Variants in ABI2 observed in about 807,000 individuals in gnomAD.
The protein encoded by ABI2 is abelson interactor 2.
In ABI2, 25 loss-of-function variants were observed where a neutral mutation model predicts 59.2. That is an observed-to-expected ratio of 0.42 (90% CI 0.31 to 0.59). ABI2 has a LOEUF of 0.59. Among genes scored for constraint, ABI2 ranks in the 20% least tolerant of loss-of-function variants. The probability of loss-of-function intolerance (pLI) is 0.14; values close to 1 mark genes in which losing one functional copy is unlikely to be tolerated. For missense variants in ABI2, 545 were observed against 681.8 expected, an observed-to-expected ratio of 0.80 and a Z score of 2.23; for synonymous variants, 213 against 235.5, an observed-to-expected ratio of 0.90 and a Z score of 0.87.
chr2:203,329,695 T>TC lies in ABI2; in HGVS notation c.117+1066dup, dbSNP rs572747473. Among the ~76,000 whole-genome samples the TC allele has an allele frequency of 1.5e-4, 23 of 151,772 alleles. No homozygotes were observed. The South Asian group carries it at 4.6e-3, about 30-fold the overall frequency. On this transcript the variant is annotated intron_variant, in intron 1 of 11. Coordinates refer to ENST00000261018, the MANE Select transcript of ABI2 (RefSeq NM_001375670.1). Reference sequence around the variant, plus strand: ...TGTTTCTTCACAGTCTTTTTTTTTTTCCTTTTTTCTTGCTCCCACCTCCAT... The same window carrying TC: ...TGTTTCTTCACAGTCTTTTTTTTTTTCCCTTTTTTCTTGCTCCCACCTCCAT...
At chr2:203,396,665 C>T in intron 7 of ABI2, 120 bp from the exon 8 acceptor site, 1 of 1,044,958 alleles carries the variant, frequency 9.6e-7, no homozygotes. Context: ...TTTTTCAACT[C>T]TGTTCTTTTG....
At chr2:203,349,376 A>T (rs1400354584) in intron 1 of ABI2, among the ~76,000 whole-genome samples, 2 of 152,096 alleles carry the variant, frequency 1.3e-5, no homozygotes, top group Non-Finnish European at 2.9e-5. Context: ...TGAAGTCTCC[A>T]TTAACATTTT....
At chr2:203,408,521 GAAAT>G (rs2097527537) in intron 9 of ABI2, among the ~76,000 whole-genome samples, 1 of 151,012 alleles carries the variant, frequency 6.6e-6, no homozygotes, top group Admixed American at 6.6e-5. Context: ...AAGTAGAAAA[GAAAT>G]AAGCATATTC....
intron 4 of ABI2, among the ~76,000 whole-genome samples, chr2:203,383,682 A>G (rs2096276528): frequency 5.3e-5 from 8 of 152,166 alleles, no homozygotes. Flanking sequence ...GATCTAATGA[A>G]GAATCACACT....
chr2:203,390,917 C>T (rs1035952391), intron 4 of ABI2, 129 bp from the exon 5 acceptor site: 12 of 685,172 alleles, frequency 1.8e-5, no homozygotes, highest in South Asian at 1.5e-4. Context: ...ATATGAAATG[C>T]ATGGCCTCTA....
At chr2:203,404,091 T>A (rs373464429) in intron 9 of ABI2, among the ~76,000 whole-genome samples, 6 of 152,232 alleles carry the variant, frequency 3.9e-5, no homozygotes, top group Admixed American at 6.5e-5. Flanking sequence ...CCTACATATT[T>A]AAAAAATTTT....
At position 203,334,578 on chromosome 2, in the gene ABI2, G is replaced by GA. The variant is rs575905626; in HGVS notation, c.117+5954dup. Among the ~76,000 whole-genome samples the GA allele has an allele frequency of 3.5e-3, 533 of 151,586 alleles. 5 individuals carry two copies. The highest frequency in any genetic ancestry group is 0.012 in the African/African-American group (516 of 41,366). ...CCTACTCACTGTCCAGAGATTCTGG[G>GA]AAAAAAACAATAGAGAAGACAAAGC... is the stretch of plus-strand genomic sequence containing the variant. On this transcript the variant is annotated intron_variant, in intron 1 of 11. Coordinates refer to ENST00000261018, the MANE Select transcript of ABI2 (RefSeq NM_001375670.1).
chr2:203,365,189 CTT>C (rs373789015), intron 1 of ABI2, among the ~76,000 whole-genome samples: 2 of 151,898 alleles, frequency 1.3e-5, no homozygotes, highest in African/African-American at 4.8e-5. Context: ...ACTTTTTGGA[CTT>C]TTTTTTGTGC....
intron 11 of ABI2, among the ~76,000 whole-genome samples, chr2:203,417,723 A>G (rs946666764): frequency 7.9e-5 from 12 of 152,246 alleles, no homozygotes; most frequent in Non-Finnish European, 1.6e-4. Context: ...GAGAGCTTTT[A>G]TAAAGAAATA....
rs188516920 is a variant in ABI2 at position 203,341,443 on chromosome 2, A to G, written c.117+12812A>G. Among the ~76,000 whole-genome samples the G allele has an allele frequency of 5.3e-3, 814 of 152,294 alleles. 9 individuals carry two copies. Among genetic ancestry groups the G allele is most frequent in the African/African-American group, 0.018 (740 of 41,564 alleles). ...AATAAATTAGTTTTGGGCCAGGCTC[A>G]GTGGCTCACTCCTATAATCCTAGCA... is the stretch of plus-strand genomic sequence containing the variant. On this transcript the variant is annotated intron_variant, in intron 1 of 11. Coordinates refer to ENST00000261018, the MANE Select transcript of ABI2 (RefSeq NM_001375670.1).
At chr2:203,349,688 A>T (rs2086368244) in intron 1 of ABI2, among the ~76,000 whole-genome samples, 1 of 149,336 alleles carries the variant, frequency 6.7e-6, no homozygotes, top group Admixed American at 6.7e-5. Context: ...TACAGGTGTG[A>T]GCCACTGTGC....
intron 8 of ABI2, among the ~76,000 whole-genome samples, chr2:203,397,183 A>G (rs1042389106): frequency 3.3e-5 from 5 of 152,102 alleles, no homozygotes; most frequent in African/African-American, 1.2e-4. Flanking sequence ...GGTAGCATAA[A>G]TTTGTGTTTT....
rs990786240 is a variant in ABI2 at position 203,403,369 on chromosome 2, A to G, written c.1192+635A>G. 4 of 154,934 alleles carry G rather than the reference A, an allele frequency of 2.6e-5. No homozygotes were observed. The East Asian group carries it at 7.7e-4, about 30-fold the overall frequency. 9.6% of individuals were successfully genotyped at this position (154,934 alleles called of 1,614,324 possible). ...ATGGCTATTGTGGACATGGTATGTC[A>G]ACTTACTGCTTTTTTCTGTATTTTT... On this transcript the variant is annotated intron_variant, in intron 9 of 11. Coordinates refer to ENST00000261018, the MANE Select transcript of ABI2 (RefSeq NM_001375670.1).
intron 1 of ABI2, among the ~76,000 whole-genome samples, chr2:203,344,169 G>A (rs1034883018): frequency 1.3e-5 from 2 of 152,132 alleles, no homozygotes; most frequent in Non-Finnish European, 2.9e-5. Flanking sequence ...CGCTTCAACT[G>A]TTTAGAGACA....
intron 1 of ABI2, among the ~76,000 whole-genome samples, chr2:203,350,704 T>C (rs539959899): frequency 2.0e-5 from 3 of 151,954 alleles, no homozygotes. Context: ...TGTGCGCAGC[T>C]AATTTTTATA....
At chr2:203,396,762 C>A (rs1443611529) in intron 7 of ABI2, 23 bp from the exon 8 acceptor site, 2 of 1,510,932 alleles carry the variant, frequency 1.3e-6, no homozygotes, top group East Asian at 5.0e-5. Flanking sequence ...TTAATGCTGC[C>A]TCTTACTCCT....
In ABI2 at chr2:203,427,247, T is replaced by C. The variant is rs201919959; in HGVS notation, c.1524T>C (p.Tyr508=). The change falls in exon 12 of 12, where the codon TAT becomes TAC. Residue 508 remains tyrosine (Y), a synonymous_variant. Transcript: ENST00000261018. ...CCTTTCAGGAAGGAGCCATTATTTATGTCATCAAGAAGAATGACGATGGTT... is the reference window on the plus strand; with the variant it reads ...CCTTTCAGGAAGGAGCCATTATTTACGTCATCAAGAAGAATGACGATGGTT... The part of the protein sequence containing the change: ...ELSFQEGAII[Y]VIKKNDDGWY... 1.4e-5 allele frequency: 23 copies of C among 1,613,910 alleles called. No homozygotes were observed. The highest frequency in any genetic ancestry group is 1.6e-4 in the Middle Eastern group (1 of 6,084).
Position 203,367,061 on chromosome 2 carries a change from T to C in ABI2, c.285+17T>C. On this transcript the variant is annotated intron_variant, in intron 2 of 11. Transcript: ENST00000261018. ...ATTTCACAAGTGAGACCACAATATT[T>C]TCCTATTTGCCTATGAGGAACCCTT... 1 of 1,604,460 alleles carries C rather than the reference T, an allele frequency of 6.2e-7. No individual in the cohort carries two copies. Among genetic ancestry groups the C allele is most frequent in the Non-Finnish European group, 8.5e-7 (1 of 1,174,166 alleles).
chr2:203,423,716 C>A (rs1368325224), intron 11 of ABI2, among the ~76,000 whole-genome samples: 1 of 152,118 alleles, frequency 6.6e-6, no homozygotes, highest in African/African-American at 2.4e-5. Flanking sequence ...CCACCGCGCC[C>A]AGCCCAATCT....
Sources: allele counts gnomAD v4.1 joint callset (sites outside exome capture counted in the v4.1 genomes callset), GRCh38; gene constraint gnomAD v4.1.1; transcripts MANE v1.5; gene names NCBI Gene and HGNC (gene_info 2026-07-23, HGNC 2026-07-21).